The following ASTN2 variants were observed in gnomAD, a reference collection of about 807,000 sequenced individuals.
ASTN2 encodes astrotactin 2.
ASTN2 carries 54 observed loss-of-function variants against 139.8 expected under a neutral mutation model. The observed-to-expected ratio is 0.39, with a 90% CI of 0.31 to 0.48. The LOEUF (loss-of-function observed/expected upper bound fraction) is 0.48, where lower values mean the gene tolerates loss of function less well. Among genes scored for constraint, ASTN2 ranks in the 20% least tolerant of loss-of-function variants. ASTN2 has a pLI of 0.95. For missense variants in ASTN2, 1,565 were observed against 1,725.1 expected (o/e 0.91, Z 1.64); for synonymous variants, 756 against 719.5 (o/e 1.05, Z -0.81).
intron 5 of ASTN2, among the ~76,000 whole-genome samples, chr9:117,043,779 G>A (rs920064171): frequency 6.6e-6 from 1 of 151,910 alleles, no homozygotes; most frequent in African/African-American, 2.4e-5. Context: ...ATGGTGGCAG[G>A]TGCCTGTAGT....
chr9:117,190,946 A>T (rs369020067), intron 3 of ASTN2, among the ~76,000 whole-genome samples: 47 of 152,262 alleles, frequency 3.1e-4, no homozygotes, highest in African/African-American at 1.0e-3. Context: ...TTATTGCTTT[A>T]TCTTCAGTGC....
At chr9:116,884,967 C>G (rs1199317623) in intron 10 of ASTN2, among the ~76,000 whole-genome samples, 1 of 152,014 alleles carries the variant, frequency 6.6e-6, no homozygotes, top group Non-Finnish European at 1.5e-5. Flanking sequence ...AGGCGCCCGC[C>G]ACTGTGCCCG....
intron 2 of ASTN2, among the ~76,000 whole-genome samples, chr9:117,244,256 A>G (rs1410317283): frequency 1.3e-5 from 2 of 152,138 alleles, no homozygotes; most frequent in East Asian, 3.9e-4. Flanking sequence ...TTGTTATAGC[A>G]GTGTGAGAAC....
chr9:117,096,254 T>C, intron 4 of ASTN2, 103 bp from the exon 5 acceptor site: 1 of 901,432 alleles, frequency 1.1e-6, no homozygotes, highest in Non-Finnish European at 1.8e-6. Flanking sequence ...CAGACTTTTC[T>C]CTGTAAATCC....
At chr9:117,048,963 CTTTT>C (rs372277811) in intron 5 of ASTN2, among the ~76,000 whole-genome samples, 3 of 89,010 alleles carry the variant, frequency 3.4e-5, no homozygotes, top group East Asian at 3.6e-4. Context: ...TCATCCATTG[CTTTT>C]TTTTTTTTTT....
At chr9:116,722,941 G>A (rs570100564) in intron 16 of ASTN2, among the ~76,000 whole-genome samples, 1 of 152,096 alleles carries the variant, frequency 6.6e-6, no homozygotes, top group Non-Finnish European at 1.5e-5. Flanking sequence ...TGAGATGGGC[G>A]GATCATGAGG....
In ASTN2 at chr9:116,535,284, C is replaced by T. The variant is rs546576474; in HGVS notation, c.3356-47784G>A. Among the ~76,000 whole-genome samples, 11 of 152,282 alleles carry T rather than the reference C, an allele frequency of 7.2e-5. No homozygotes were observed. In the South Asian group the frequency reaches 2.1e-3, roughly 29 times the overall value. On this transcript the variant is annotated intron_variant, in intron 19 of 22. Transcript: ENST00000313400. ...GCACATGAGATGGATATCCTGAATA[C>T]AGCACACTGATGGGTCTTGACTCTT...
chr9:116,796,496 T>G (rs1830693148), intron 13 of ASTN2, among the ~76,000 whole-genome samples: 1 of 152,156 alleles, frequency 6.6e-6, no homozygotes. Flanking sequence ...TGTCAGATGC[T>G]CTCAGCCTCT....
chr9:116,779,287 G>T (rs1750583471), intron 13 of ASTN2, among the ~76,000 whole-genome samples: 1 of 152,092 alleles, frequency 6.6e-6, no homozygotes, highest in South Asian at 2.1e-4. Context: ...AACAGAGGGG[G>T]TTTGGTCCCT....
At chr9:116,936,165 TACC>T (rs550212752) in intron 10 of ASTN2, among the ~76,000 whole-genome samples, 30 of 3,874 alleles carry the variant, frequency 7.7e-3, no homozygotes, top group African/African-American at 0.034. Context: ...CCTCCATCAC[TACC>T]ACCAACACCA....
intron 19 of ASTN2, among the ~76,000 whole-genome samples, chr9:116,571,178 C>T (rs925791812): frequency 1.3e-5 from 2 of 152,150 alleles, no homozygotes; most frequent in Non-Finnish European, 2.9e-5. Flanking sequence ...CCTGGCCCCA[C>T]GCTGGTGGTT....
chr9:117,031,014 A>G (rs1057314914), intron 6 of ASTN2, among the ~76,000 whole-genome samples: 2 of 152,140 alleles, frequency 1.3e-5, no homozygotes, highest in Non-Finnish European at 1.5e-5. Context: ...CAGCATATTA[A>G]TATGGTTTAT....
intron 2 of ASTN2, among the ~76,000 whole-genome samples, chr9:117,220,355 C>G (rs914177433): frequency 1.3e-5 from 2 of 152,144 alleles, no homozygotes; most frequent in Non-Finnish European, 2.9e-5. Context: ...CAGTTGGCAT[C>G]CTCCAAAGTG....
At chr9:116,669,190 T>A (rs535545684) in intron 16 of ASTN2, among the ~76,000 whole-genome samples, 91 of 152,294 alleles carry the variant, frequency 6.0e-4, no homozygotes, top group South Asian at 1.9e-3. Flanking sequence ...AACTGTCCCA[T>A]GAACCAGAAG....
Position 116,567,198 on chromosome 9 carries a change from T to C in ASTN2, c.3355+51126A>G, listed in dbSNP as rs150218223. ...ATAGCACTGGCTGATTTCCAACATA[T>C]AAATACTTCCACCCTGGCCAATTTC... On this transcript the variant is annotated intron_variant, in intron 19 of 22. Transcript: ENST00000313400. 5.9e-5 allele frequency among the ~76,000 whole-genome samples: 9 copies of C among 152,330 alleles called. No individual in the cohort carries two copies. In the East Asian group the frequency reaches 1.7e-3, roughly 29 times the overall value.
intron 10 of ASTN2, among the ~76,000 whole-genome samples, chr9:116,870,963 A>G (rs1395452451): frequency 6.6e-6 from 1 of 152,174 alleles, no homozygotes; most frequent in Non-Finnish European, 1.5e-5. Flanking sequence ...ATGTACTGAT[A>G]AAAATCAAGC....
rs561053988 is a variant in ASTN2 at position 116,490,366 on chromosome 9, G to A, written c.3356-2866C>T. Among the ~76,000 whole-genome samples, 5 of 149,434 alleles carry A rather than the reference G, an allele frequency of 3.3e-5. No homozygotes were observed. The South Asian group carries it at 6.4e-4, about 19-fold the overall frequency. ...AAAGACATGAGATTATTCACTAGAT[G>A]GAGTGAGGGTCTTATTTCACTTGGG... is the stretch of plus-strand genomic sequence containing the variant. On this transcript the variant is annotated intron_variant, in intron 19 of 22. Transcript: ENST00000313400.
chr9:117,313,095 C>G (rs1010950458), intron 1 of ASTN2, among the ~76,000 whole-genome samples: 4 of 152,174 alleles, frequency 2.6e-5, no homozygotes, highest in African/African-American at 7.2e-5. Context: ...CGTTCAGAAT[C>G]CTCACTCATT....
chr9:117,357,088 A>G (rs757491403), intron 1 of ASTN2, among the ~76,000 whole-genome samples: 1 of 152,102 alleles, frequency 6.6e-6, no homozygotes, highest in Non-Finnish European at 1.5e-5. Flanking sequence ...AAAGAATTGA[A>G]TATGAAGCAT....
Sources: allele counts gnomAD v4.1 joint callset (sites outside exome capture counted in the v4.1 genomes callset), GRCh38; gene constraint gnomAD v4.1.1; transcripts MANE v1.5; gene names NCBI Gene and HGNC (gene_info 2026-07-23, HGNC 2026-07-21).